The following RALYL variants were observed in gnomAD, a reference collection of about 807,000 sequenced individuals.
RALYL encodes the protein RALY RNA binding protein like.
In RALYL, 29 loss-of-function variants were observed where a neutral mutation model predicts 35.1. The ratio of observed to expected loss-of-function variants is 0.83; its 90% CI spans 0.61 to 1.13. The LOEUF (loss-of-function observed/expected upper bound fraction) is 1.13. Among genes scored for constraint, RALYL ranks in the 50% most tolerant of loss-of-function variants. The probability of loss-of-function intolerance (pLI) is 0.00; values close to 1 mark genes in which losing one functional copy is unlikely to be tolerated. For missense variants in RALYL, 359 were observed against 360.4 expected (o/e 1.00, Z 0.03); for synonymous variants, 120 against 127.6 (o/e 0.94, Z 0.40).
At chr8:84,665,352 G>T (rs529452958) in intron 2 of RALYL, among the ~76,000 whole-genome samples, 1 of 152,050 alleles carries the variant, frequency 6.6e-6, no homozygotes, top group East Asian at 1.9e-4. Flanking sequence ...TTAGGGAAGA[G>T]TCCCTCCTTT....
chr8:84,473,213 C>T (rs911589819), intron 1 of RALYL, among the ~76,000 whole-genome samples: 83 of 151,688 alleles, frequency 5.5e-4, no homozygotes, highest in African/African-American at 1.0e-3. Context: ...ACATTCTTAA[C>T]GACTCTAATT....
intron 1 of RALYL, among the ~76,000 whole-genome samples, chr8:84,331,122 T>G (rs1324346586): frequency 6.6e-6 from 1 of 152,066 alleles, no homozygotes; most frequent in Non-Finnish European, 1.5e-5. Context: ...TATAAGACAT[T>G]CTAACATATC....
intron 2 of RALYL, chr8:84,665,655 C>T (rs761514245): frequency 1.3e-5 from 2 of 151,916 alleles, no homozygotes; most frequent in Non-Finnish European, 2.9e-5. Flanking sequence ...TCGTGATATC[C>T]CCTTATCATT....
intron 1 of RALYL, among the ~76,000 whole-genome samples, chr8:84,370,710 G>A (rs1433150676): frequency 1.3e-5 from 2 of 151,982 alleles, no homozygotes; most frequent in African/African-American, 4.8e-5. Flanking sequence ...ACAAACTACA[G>A]ATGTTTAGGT....
chr8:84,501,806 CTATATTAATAAATAA>C (rs199505846), intron 1 of RALYL, among the ~76,000 whole-genome samples: 1,757 of 149,942 alleles, frequency 0.012, 29 homozygotes, highest in African/African-American at 0.04. Context: ...GGATTAGGAC[CTATATTAATAAATAA>C]TATATTAATA....
At chr8:84,312,965 TG>T (rs1843080920) in intron 1 of RALYL, among the ~76,000 whole-genome samples, 1 of 152,250 alleles carries the variant, frequency 6.6e-6, no homozygotes, top group Non-Finnish European at 1.5e-5. Context: ...ATGAGGGCTC[TG>T]CCCCTGCAGC....
At chr8:84,568,048 TA>T (rs1040256011) in intron 2 of RALYL, among the ~76,000 whole-genome samples, 20 of 151,662 alleles carry the variant, frequency 1.3e-4, no homozygotes, top group Non-Finnish European at 7.4e-5. Flanking sequence ...AGTTTTTTTT[TA>T]AATTTTATTA....
At chr8:84,334,518 A>G (rs903518076) in intron 1 of RALYL, among the ~76,000 whole-genome samples, 1 of 151,176 alleles carries the variant, frequency 6.6e-6, no homozygotes, top group Admixed American at 6.6e-5. Context: ...ATCATAAAAT[A>G]TATAATTAAA....
intron 2 of RALYL, among the ~76,000 whole-genome samples, chr8:84,621,169 G>T (rs946120980): frequency 6.6e-6 from 1 of 152,220 alleles, no homozygotes; most frequent in Non-Finnish European, 1.5e-5. Flanking sequence ...CTGGGCAATG[G>T]TGGGTGCCCC....
intron 4 of RALYL, among the ~76,000 whole-genome samples, chr8:84,836,783 G>A (rs1046381464): frequency 7.2e-5 from 11 of 152,230 alleles, no homozygotes; most frequent in African/African-American, 1.2e-4. Context: ...CCTTATCCAC[G>A]GGGAAGTATG....
intron 2 of RALYL, among the ~76,000 whole-genome samples, chr8:84,692,973 C>T (rs1452136824): frequency 6.6e-6 from 1 of 152,008 alleles, no homozygotes; most frequent in East Asian, 1.9e-4. Flanking sequence ...GGCAAGCAAA[C>T]AAATTATCTC....
At chr8:84,661,805 T>G (rs935554290) in intron 2 of RALYL, among the ~76,000 whole-genome samples, 1 of 152,030 alleles carries the variant, frequency 6.6e-6, no homozygotes, top group African/African-American at 2.4e-5. Flanking sequence ...AGTGTATGGT[T>G]ATTTATTTCT....
At chr8:84,694,922 A>G (rs148270857) in intron 2 of RALYL, among the ~76,000 whole-genome samples, 1 of 151,744 alleles carries the variant, frequency 6.6e-6, no homozygotes, top group African/African-American at 2.4e-5. Context: ...TATTCTAAGC[A>G]CTTTTTATGT....
intron 2 of RALYL, among the ~76,000 whole-genome samples, chr8:84,581,542 G>C (rs1418999560): frequency 6.6e-6 from 1 of 152,114 alleles, no homozygotes; most frequent in African/African-American, 2.4e-5. Flanking sequence ...TGGCACATTG[G>C]ATGTGCTCAA....
At chr8:84,559,107 A>G (rs1184839308) in intron 2 of RALYL, among the ~76,000 whole-genome samples, 1 of 151,940 alleles carries the variant, frequency 6.6e-6, no homozygotes, top group Non-Finnish European at 1.5e-5. Flanking sequence ...TTTTTTTTAA[A>G]TTACTGAGTG....
intron 2 of RALYL, among the ~76,000 whole-genome samples, chr8:84,625,832 C>G (rs867906888): frequency 1.3e-5 from 2 of 152,204 alleles, no homozygotes; most frequent in East Asian, 1.9e-4. Flanking sequence ...AGAGCTGGAA[C>G]CTTAACCAGT....
At chr8:84,418,301 T>C (rs2044982098) in intron 1 of RALYL, among the ~76,000 whole-genome samples, 1 of 152,168 alleles carries the variant, frequency 6.6e-6, no homozygotes, top group South Asian at 2.1e-4. Context: ...TTGGAAGTTA[T>C]TATAAAGCCT....
chr8:84,595,340 T>G (rs1814246372), intron 2 of RALYL, among the ~76,000 whole-genome samples: 1 of 152,126 alleles, frequency 6.6e-6, no homozygotes, highest in South Asian at 2.1e-4. Flanking sequence ...AGATTAACAG[T>G]GGTCCCTACA....
chr8:84,666,962 G>C (rs1832199177), intron 2 of RALYL, among the ~76,000 whole-genome samples: 1 of 152,038 alleles, frequency 6.6e-6, no homozygotes, highest in South Asian at 2.1e-4. Flanking sequence ...GGAAAGACAA[G>C]TAAGTAATCT....
Sources: gnomAD v4.1 joint callset for allele counts (sites outside exome capture counted in the v4.1 genomes callset) on GRCh38, gnomAD v4.1.1 for gene constraint, MANE v1.5 for transcripts, NCBI Gene and HGNC (gene_info 2026-07-23, HGNC 2026-07-21) for gene names.